The following MAP4 variants were observed in gnomAD, a reference collection of about 807,000 sequenced individuals.
MAP4 encodes the protein microtubule-associated protein 4.
A neutral mutation model predicts 170.2 loss-of-function variants in MAP4; 76 were observed. The observed-to-expected ratio is 0.45, with a 90% confidence interval of 0.37 to 0.54. MAP4 has a LOEUF of 0.54. Among genes scored for constraint, MAP4 ranks in the 20% least tolerant of loss-of-function variants. MAP4 has a pLI of 0.00. For missense variants in MAP4, 2,506 were observed against 2,748.0 expected, an observed-to-expected ratio of 0.91 and a Z score of 1.97; for synonymous variants, 909 against 994.5, an observed-to-expected ratio of 0.91 and a Z score of 1.62.
At chr3:47,957,156 CCA>C (rs1009728690) in intron 3 of MAP4, among the ~76,000 whole-genome samples, 1 of 152,166 alleles carries the variant, frequency 6.6e-6, no homozygotes, top group Non-Finnish European at 1.5e-5. Context: ...CCATGACATT[CCA>C]CACAGTGTTG....
chr3:47,891,383 C>G, intron 10 of MAP4: 1 of 1,535,970 alleles, frequency 6.5e-7, no homozygotes, highest in East Asian at 2.4e-5. Flanking sequence ...TTTCCCAGGG[C>G]TCAATTTGTA....
intron 1 of MAP4, among the ~76,000 whole-genome samples, chr3:48,053,930 T>C (rs189758564): frequency 6.6e-6 from 1 of 152,352 alleles, no homozygotes; most frequent in Admixed American, 6.5e-5. Context: ...GAAAATGTTA[T>C]TCTCTTTTAT....
At chr3:47,877,237 T>C in intron 11 of MAP4, 180 bp downstream of exon 11, 1 of 552,182 alleles carries the variant, frequency 1.8e-6, no homozygotes. Context: ...GATTTTAAAG[T>C]TGGTTTAGGC....
chr3:47,975,033 T>C (rs2100081150), intron 3 of MAP4: 1 of 998,572 alleles, frequency 1.0e-6, no homozygotes, highest in East Asian at 1.0e-4. Flanking sequence ...ATGTTCTCAT[T>C]TGGTGTTACA....
intron 6 of MAP4, among the ~76,000 whole-genome samples, 173 bp from the exon 7 acceptor site, chr3:47,917,347 G>A (rs2100040258): frequency 6.6e-6 from 1 of 152,160 alleles, no homozygotes; most frequent in Admixed American, 6.6e-5. Flanking sequence ...CAGAACTTTG[G>A]GAGGCCGAGG....
upstream of MAP4, among the ~76,000 whole-genome samples, chr3:48,017,038 C>T (rs2100108166): frequency 6.6e-6 from 1 of 151,824 alleles, no homozygotes; most frequent in African/African-American, 2.4e-5. Flanking sequence ...CTTGGCCTCC[C>T]AAAGTGCTGG....
At chr3:47,861,353 CTTTTTTTTTT>C (rs35553466) in intron 17 of MAP4, among the ~76,000 whole-genome samples, 1 of 132,326 alleles carries the variant, frequency 7.6e-6, no homozygotes, top group African/African-American at 2.9e-5. Flanking sequence ...GAGACTCCGT[CTTTTTTTTTT>C]TTTTTTTTGA....
At chr3:47,890,036 A>G (rs940552794) in intron 10 of MAP4, among the ~76,000 whole-genome samples, 1 of 152,180 alleles carries the variant, frequency 6.6e-6, no homozygotes, top group Non-Finnish European at 1.5e-5. Flanking sequence ...TTTCATAAAA[A>G]TATACTGAGA....
In MAP4 at chr3:47,852,892, G is replaced by C. The variant is rs1285793821; in HGVS notation, c.*42C>G. ...GGAGACAATGTCGGCCCCGTGGTCGGTGCGGGCCCTGGCATTTGCCCGGAA... is the reference window on the plus strand; with the variant it reads ...GGAGACAATGTCGGCCCCGTGGTCGCTGCGGGCCCTGGCATTTGCCCGGAA... On this transcript the variant is annotated 3_prime_UTR_variant, in exon 21 of 21. Transcript: ENST00000683076. 1.2e-6 allele frequency: 2 copies of C among 1,601,056 alleles called. No individual in the cohort carries two copies. Among genetic ancestry groups the C allele is most frequent in the South Asian group, 1.1e-5 (1 of 89,782 alleles).
At chr3:47,867,940 C>T (rs761987018) in intron 16 of MAP4, among the ~76,000 whole-genome samples, 1 of 152,198 alleles carries the variant, frequency 6.6e-6, no homozygotes, top group Non-Finnish European at 1.5e-5. Flanking sequence ...ATCTCCAACA[C>T]CAGGGGAGCG....
intron 1 of MAP4, among the ~76,000 whole-genome samples, chr3:48,055,799 G>A (rs960708111): frequency 3.6e-5 from 5 of 137,762 alleles, no homozygotes; most frequent in Admixed American, 1.4e-4. Flanking sequence ...AGGAAGTGAG[G>A]AGCGTCTCTG....
At chr3:47,941,488 G>C (rs1039880186) in intron 3 of MAP4, among the ~76,000 whole-genome samples, 1 of 151,736 alleles carries the variant, frequency 6.6e-6, no homozygotes, top group African/African-American at 2.4e-5. Context: ...TTTTAAAAGC[G>C]AAACCATGGC....
At chr3:48,021,353 G>GA (rs1553725531), upstream of MAP4, among the ~76,000 whole-genome samples, 24 of 142,396 alleles carry the variant, frequency 1.7e-4, no homozygotes, top group South Asian at 4.8e-3. Context: ...GTTTGTTTTT[G>GA]TTTTTTTTTT....
intron 2 of MAP4, among the ~76,000 whole-genome samples, chr3:47,994,361 G>A (rs2100094138): frequency 6.6e-6 from 1 of 152,196 alleles, no homozygotes; most frequent in South Asian, 2.1e-4. Flanking sequence ...GGAATGATAA[G>A]ATGTAAATAT....
In MAP4 at chr3:47,911,985, G is replaced by A. The variant is rs757581532; in HGVS notation, c.2436C>T (p.Leu812=). 1.2e-5 allele frequency: 18 copies of A among 1,536,112 alleles called. No homozygotes were observed. The highest frequency in any genetic ancestry group is 1.6e-5 in the Non-Finnish European group (18 of 1,146,904). Residue 812 remains leucine, a synonymous_variant, in exon 9 of 21, where the codon CTC becomes CTT. Coordinates refer to ENST00000683076, the MANE Select transcript of MAP4 (RefSeq NM_001385682.1). This position sits in a 1 kb window ranked among gnomAD's most constrained non-coding sequence, Gnocchi z 4.0. ...TACCCATAGTGGTAGGCTGGCTGGG[G>A]AGAACACCTGATTTTTGTGTGTCAG... The part of the protein sequence containing the change: ...FAADTQKSGV[L]PSQPTTMGTE...
intron 3 of MAP4, chr3:47,975,569 T>C (rs1014113110): frequency 1.3e-6 from 1 of 769,404 alleles, no homozygotes. Context: ...CACAAGATGC[T>C]CATAAACCAA....
chr3:47,981,062 C>T (rs983121584), intron 2 of MAP4, among the ~76,000 whole-genome samples: 1 of 152,106 alleles, frequency 6.6e-6, no homozygotes. Context: ...ACTCAACAAT[C>T]AGTTTTAGGT....
intron 9 of MAP4, among the ~76,000 whole-genome samples, chr3:47,905,992 C>T (rs2100032764): frequency 6.6e-6 from 1 of 151,024 alleles, no homozygotes; most frequent in South Asian, 2.1e-4. Flanking sequence ...GAAACTCCAT[C>T]TCAAAAAACA....
chr3:48,026,794 CAATT>C (rs1257451855), intron 1 of MAP4, among the ~76,000 whole-genome samples: 9 of 152,246 alleles, frequency 5.9e-5, no homozygotes, highest in African/African-American at 9.6e-5. Flanking sequence ...GAACCACCAA[CAATT>C]AATTAGTTCA....
Sources: allele counts gnomAD v4.1 joint callset (sites outside exome capture counted in the v4.1 genomes callset), GRCh38; gene constraint gnomAD v4.1.1; non-coding constraint Gnocchi (gnomAD v3.1); transcripts MANE v1.5; gene names NCBI Gene and HGNC (gene_info 2026-07-23, HGNC 2026-07-21).